Variants in HIPK1 observed in about 807,000 individuals in gnomAD.
The protein encoded by HIPK1 is homeodomain interacting protein kinase 1.
Under a neutral mutation model 117.1 loss-of-function variants are expected in HIPK1, and 28 were observed. The observed-to-expected ratio is 0.24, with a 90% CI of 0.18 to 0.33. HIPK1 has a LOEUF of 0.33. Ranked by LOEUF, HIPK1 falls within the 10% of genes least tolerant of loss-of-function variation. HIPK1 has a pLI of 1.00. For missense variants in HIPK1, 1,122 were observed against 1,475.1 expected (o/e 0.76, Z 3.92); for synonymous variants, 605 against 562.5 (o/e 1.08, Z -1.07).
intron 2 of HIPK1, among the ~76,000 whole-genome samples, chr1:113,949,172 A>G (rs1270173538): frequency 6.6e-6 from 1 of 152,178 alleles, no homozygotes; most frequent in East Asian, 1.9e-4. Context: ...AAAGTTATAG[A>G]GTGGCCTGGC....
rs896603195 is a variant in HIPK1 at position 113,957,291 on chromosome 1, T to G, written c.1755+5T>G. 1.2e-6 allele frequency: 2 copies of G among 1,603,934 alleles called. No individual in the cohort carries two copies. On this transcript the variant is annotated splice_donor_5th_base_variant and intron_variant, in intron 7 of 15. Coordinates refer to ENST00000426820, the MANE Select transcript of HIPK1 (RefSeq NM_198268.3). The stretch of plus-strand genomic sequence containing the variant: ...CTCAATACAGTGCACAATCAGGTAT[T>G]CAATAAATAATTTTGGAAACTCAAG...
intron 5 of HIPK1, among the ~76,000 whole-genome samples, chr1:113,956,291 T>G (rs1465222138): frequency 6.6e-6 from 1 of 152,012 alleles, no homozygotes; most frequent in Non-Finnish European, 1.5e-5. Flanking sequence ...TTGGCCAGGC[T>G]GGGTCTCAAA....
chr1:113,935,222 C>G (rs1223020971), intron 1 of HIPK1, among the ~76,000 whole-genome samples: 1 of 152,014 alleles, frequency 6.6e-6, no homozygotes, highest in African/African-American at 2.4e-5. Context: ...TGGTTGGCCT[C>G]TTTGTGTCCA....
At chr1:113,955,222 C>G (rs1255139362) in intron 4 of HIPK1, among the ~76,000 whole-genome samples, 3 of 152,212 alleles carry the variant, frequency 2.0e-5, no homozygotes, top group East Asian at 1.9e-4. Context: ...TTGACTAACC[C>G]TGTGACTGTG....
At chr1:113,964,797 A>C (rs1177493726) in intron 10 of HIPK1, among the ~76,000 whole-genome samples, 2 of 152,212 alleles carry the variant, frequency 1.3e-5, no homozygotes, top group African/African-American at 4.8e-5. Context: ...TCGAGGTTGG[A>C]ATGTTAGTTG....
At position 113,957,289 on chromosome 1, in the gene HIPK1, A is replaced by G; in HGVS notation, c.1755+3A>G. The G allele has an allele frequency of 6.2e-7, 1 of 1,604,772 alleles. No homozygotes were observed. Among genetic ancestry groups the G allele is most frequent in the Non-Finnish European group, 8.5e-7 (1 of 1,173,866 alleles). On this transcript the variant is annotated splice_donor_region_variant and intron_variant, in intron 7 of 15. Coordinates refer to ENST00000426820, the MANE Select transcript of HIPK1 (RefSeq NM_198268.3). ...AGCTCAATACAGTGCACAATCAGGTATTCAATAAATAATTTTGGAAACTCA... is the reference window on the plus strand; with the variant it reads ...AGCTCAATACAGTGCACAATCAGGTGTTCAATAAATAATTTTGGAAACTCA...
At position 113,967,936 on chromosome 1, in the gene HIPK1, C is replaced by T; in HGVS notation, c.2552C>T (p.Pro851Leu). ...LPSKKNKQSA[P>L]VSSKSSLDVL... ...TCGAAGAAGAATAAGCAGTCAGCTCCAGTCTCTTCCAAGTGAGTCTGTGTT... is the reference window on the plus strand; with the variant it reads ...TCGAAGAAGAATAAGCAGTCAGCTCTAGTCTCTTCCAAGTGAGTCTGTGTT... The change falls in exon 12 of 16, where the codon CCA becomes CTA. Residue 851 changes from proline (P) to leucine (L), a missense_variant. This residue lies in a region of HIPK1 where 731 missense variants were observed against 860.4 expected (regional missense o/e 0.85). Transcript: ENST00000426820. The T allele has an allele frequency of 1.9e-6, 3 of 1,605,940 alleles. No individual in the cohort carries two copies. In the South Asian group the frequency reaches 3.4e-5, roughly 18 times the overall value.
intron 10 of HIPK1, among the ~76,000 whole-genome samples, chr1:113,965,103 G>A (rs1672362874): frequency 6.6e-6 from 1 of 152,120 alleles, no homozygotes; most frequent in African/African-American, 2.4e-5. Context: ...TGCTTTGAAG[G>A]CTTCTTGTTT....
chr1:113,973,649 G>A lies in HIPK1; in HGVS notation c.*137G>A, dbSNP rs1672995996. ...ACTTGTTCTGCAGGGGCCCACTGAA[G>A]CAGAAGGTTTTTCTCTGGGGGAACC... On this transcript the variant is annotated 3_prime_UTR_variant, in exon 16 of 16. Coordinates refer to ENST00000426820, the MANE Select transcript of HIPK1 (RefSeq NM_198268.3). 2 of 1,008,550 alleles carry A rather than the reference G, an allele frequency of 2.0e-6. No homozygotes were observed. The highest frequency in any genetic ancestry group is 2.9e-5 in the Admixed American group (1 of 33,934). The allele number at this position is 1,008,550 out of a possible 1,614,324, so 62.5% of individuals were successfully genotyped here.
At chr1:113,968,147 C>G (rs1158932537) in intron 12 of HIPK1, among the ~76,000 whole-genome samples, 199 bp downstream of exon 12, 1 of 152,180 alleles carries the variant, frequency 6.6e-6, no homozygotes, top group African/African-American at 2.4e-5. Flanking sequence ...TCTCTGCTGC[C>G]ACTTTGAATC....
At chr1:113,950,114 G>A (rs953668122) in intron 2 of HIPK1, among the ~76,000 whole-genome samples, 7 of 152,220 alleles carry the variant, frequency 4.6e-5, no homozygotes, top group Middle Eastern at 3.4e-3. Context: ...AAATACTAGG[G>A]GAGGATTTTT....
At position 113,952,791 on chromosome 1, in the gene HIPK1, C is replaced by A; in HGVS notation, c.1102C>A (p.Pro368Thr). ...AGCTCCTGAAATTATTCTTGGGTTA[C>A]CATTTTGTGAAGCTATTGATATGTG... is the stretch of plus-strand genomic sequence containing the variant. ...YRAPEIILGLPFCEAIDMWSL... is the reference protein window; with the variant it reads ...YRAPEIILGLTFCEAIDMWSL... The change falls in exon 3 of 16, where the codon CCA (proline) becomes ACA (threonine). Residue 368 changes from proline to threonine, a missense_variant. Physicochemically the swap from Pro to Thr is conservative, Grantham distance 38. Transcript: ENST00000426820. The A allele has an allele frequency of 6.7e-7, 1 of 1,490,062 alleles. No individual in the cohort carries two copies. The highest frequency in any genetic ancestry group is 9.0e-7 in the Non-Finnish European group (1 of 1,116,688). 92.3% of individuals were successfully genotyped at this position (1,490,062 alleles called of 1,614,324 possible).
At chr1:113,955,524 T>C (rs2101332020) in intron 4 of HIPK1, 39 bp from the exon 5 acceptor site, 1 of 1,207,580 alleles carries the variant, frequency 8.3e-7, no homozygotes. Context: ...GAAAATAACA[T>C]ACAGATGGAA....
chr1:113,966,860 T>TTTTG (rs1389021357), intron 11 of HIPK1, among the ~76,000 whole-genome samples: 53 of 150,832 alleles, frequency 3.5e-4, no homozygotes, highest in Non-Finnish European at 4.4e-4. Flanking sequence ...TTTGTACCCA[T>TTTTG]TAACCATCCC....
chr1:113,933,675 A>G (rs983637589), intron 1 of HIPK1, among the ~76,000 whole-genome samples: 1 of 151,972 alleles, frequency 6.6e-6, no homozygotes, highest in Non-Finnish European at 1.5e-5. Flanking sequence ...GACCAGCCTG[A>G]GCAACATGGT....
intron 8 of HIPK1, among the ~76,000 whole-genome samples, chr1:113,958,938 T>C (rs1458341344): frequency 6.6e-6 from 1 of 152,144 alleles, no homozygotes; most frequent in East Asian, 1.9e-4. Context: ...GTCCCTGTGT[T>C]GCAATAAGAT....
intron 8 of HIPK1, among the ~76,000 whole-genome samples, chr1:113,961,942 CAAAAAAAA>C (rs957986733): frequency 6.2e-5 from 2 of 32,304 alleles, no homozygotes; most frequent in African/African-American, 1.9e-4. Context: ...GACTCCATCT[CAAAAAAAA>C]AAAAAAAAAA....
rs35061908 is a variant in HIPK1, at chr1:113,966,135, G to A, written c.2244G>A (p.Ala748=). 36,903 of 1,612,598 alleles carry A rather than the reference G, an allele frequency of 0.023. 554 individuals are homozygous for A. Among genetic ancestry groups the A allele is most frequent in the South Asian group, 0.042 (3,776 of 90,814 alleles). ...LVEQTAAVLQ[A]WPGGTQQILL... is the part of the protein sequence containing the mutation. ...TTATGTGTGTTTCCTTACAGCAGGC[G>A]TGGCCTGGAGGGACTCAGCAAATTC... is the stretch of plus-strand genomic sequence containing the variant. Residue 748 remains alanine (A), a synonymous_variant, in exon 11 of 16, where the codon GCG becomes GCA. Coordinates refer to ENST00000426820, the MANE Select transcript of HIPK1 (RefSeq NM_198268.3).
rs35349710 is a variant in HIPK1 at position 113,970,514 on chromosome 1, A to G, written c.3013+317A>G. Reference sequence around the variant, plus strand: ...TAGCAGGCAATTAGGTTTGCCACAGATGATTTGAATTTGGCAATTGAGATG... The same window carrying G: ...TAGCAGGCAATTAGGTTTGCCACAGGTGATTTGAATTTGGCAATTGAGATG... On this transcript the variant is annotated intron_variant, in intron 14 of 15. Transcript: ENST00000426820. Among the ~76,000 whole-genome samples the G allele has an allele frequency of 3.5e-3, 533 of 152,338 alleles. 3 individuals carry two copies. Among genetic ancestry groups the G allele is most frequent in the African/African-American group, 0.012 (507 of 41,578 alleles).
Sources: gnomAD v4.1 joint callset for allele counts (sites outside exome capture counted in the v4.1 genomes callset) on GRCh38, gnomAD v4.1.1 for gene constraint, gnomAD v4.1.1 regional missense constraint, MANE v1.5 for transcripts, NCBI Gene and HGNC (gene_info 2026-07-23, HGNC 2026-07-21) for gene names.